The following SIDT1 variants were observed in gnomAD, a reference collection of about 807,000 sequenced individuals.
SIDT1 encodes the protein SID1 transmembrane family, member 1.
Under a neutral mutation model 107.5 loss-of-function variants are expected in SIDT1, and 101 were observed. The observed-to-expected ratio is 0.94, with a 90% CI of 0.80 to 1.11. SIDT1 has a LOEUF of 1.11. Ranked by LOEUF, SIDT1 falls within the 50% of genes least tolerant of loss-of-function variation. The probability of loss-of-function intolerance (pLI) is 0.00; values close to 1 mark genes in which losing one functional copy is unlikely to be tolerated. For missense variants in SIDT1, 1,076 were observed against 1,058.2 expected (o/e 1.02, Z -0.23); for synonymous variants, 395 against 398.2 (o/e 0.99, Z 0.10).
At chr3:113,544,930 C>G (rs571101634) in intron 1 of SIDT1, among the ~76,000 whole-genome samples, 1 of 151,954 alleles carries the variant, frequency 6.6e-6, no homozygotes, top group Non-Finnish European at 1.5e-5. Context: ...GCCTGACCAA[C>G]ATGGCAAAAC....
intron 4 of SIDT1, among the ~76,000 whole-genome samples, chr3:113,578,615 A>G (rs1324114437): frequency 6.6e-6 from 1 of 152,170 alleles, no homozygotes; most frequent in Non-Finnish European, 1.5e-5. Flanking sequence ...TGGGAGGCTG[A>G]GGCAGAAGTA....
At chr3:113,632,482 T>C (rs1214340743), downstream of SIDT1, among the ~76,000 whole-genome samples, 2 of 152,192 alleles carry the variant, frequency 1.3e-5, no homozygotes, top group Non-Finnish European at 2.9e-5. Context: ...ACAGGACATA[T>C]TTAGGCATGA....
chr3:113,592,258 A>G (rs1446723155), intron 9 of SIDT1, among the ~76,000 whole-genome samples: 1 of 152,170 alleles, frequency 6.6e-6, no homozygotes, highest in African/African-American at 2.4e-5. Context: ...GATTGGTGTG[A>G]AAGTAATTGC....
At chr3:113,555,879 T>C (rs1940806428) in intron 1 of SIDT1, among the ~76,000 whole-genome samples, 1 of 146,950 alleles carries the variant, frequency 6.8e-6, no homozygotes, top group Non-Finnish European at 1.5e-5. Flanking sequence ...CCCGGGGTGA[T>C]TGGGCTTATA....
At chr3:113,556,203 T>C (rs1334277482) in intron 1 of SIDT1, among the ~76,000 whole-genome samples, 1 of 152,236 alleles carries the variant, frequency 6.6e-6, no homozygotes, top group Non-Finnish European at 1.5e-5. Context: ...ATGCCATAAA[T>C]GTACAGAAGA....
At chr3:113,564,784 G>A (rs78215513) in intron 1 of SIDT1, among the ~76,000 whole-genome samples, 6,629 of 152,240 alleles carry the variant, frequency 0.044, 170 homozygotes, top group East Asian at 0.095. Flanking sequence ...CTCAGAGCTC[G>A]AGAAAGAGAT....
intron 14 of SIDT1, among the ~76,000 whole-genome samples, chr3:113,605,849 C>CA (rs975189338): frequency 4.0e-5 from 6 of 151,674 alleles, no homozygotes; most frequent in East Asian, 3.9e-4. Context: ...ACCAAAAATA[C>CA]AAAAAAATTA....
chr3:113,610,884 C>A, intron 17 of SIDT1, 124 bp from the exon 18 acceptor site: 1 of 1,187,216 alleles, frequency 8.4e-7, no homozygotes, highest in Non-Finnish European at 1.2e-6. Context: ...ACACAGCCTG[C>A]GGGTAGAAAA....
intron 3 of SIDT1, among the ~76,000 whole-genome samples, chr3:113,575,900 A>C (rs949112049): frequency 2.6e-5 from 4 of 152,190 alleles, no homozygotes; most frequent in Admixed American, 6.5e-5. Flanking sequence ...GATGCCCAGA[A>C]ATGCAGGGCA....
rs543859352 is a variant in SIDT1 at position 113,540,924 on chromosome 3, T to A, written c.222+7681T>A. Reference sequence around the variant, plus strand: ...ATACCTTCACCCTCTCTTTCTTCAATAAGATGACTAATTTAGACAAAATCT... The same window carrying A: ...ATACCTTCACCCTCTCTTTCTTCAAAAAGATGACTAATTTAGACAAAATCT... On this transcript the variant is annotated intron_variant, in intron 1 of 24. Transcript: ENST00000264852. Among the ~76,000 whole-genome samples the A allele has an allele frequency of 6.6e-5, 10 of 152,264 alleles. No homozygotes were observed. In the South Asian group the frequency reaches 1.7e-3, roughly 25 times the overall value.
At chr3:113,631,971 T>A (rs1019130426), downstream of SIDT1, among the ~76,000 whole-genome samples, 1 of 152,230 alleles carries the variant, frequency 6.6e-6, no homozygotes, top group East Asian at 1.9e-4. Context: ...TTGTTTAAAT[T>A]CCTTGGCTCT....
At chr3:113,606,321 A>AC (rs1282176344) in intron 14 of SIDT1, 1 of 152,140 alleles carries the variant, frequency 6.6e-6, no homozygotes, top group African/African-American at 2.4e-5. Context: ...TCCAGGCTGT[A>AC]CCCCGTCCCA....
chr3:113,626,200 GT>G lies in SIDT1; in HGVS notation c.2411del (p.Phe804SerfsTer7). 1 of 1,612,008 alleles carries G rather than the reference GT, an allele frequency of 6.2e-7. No individual in the cohort carries two copies. Among genetic ancestry groups the G allele is most frequent in the Non-Finnish European group, 8.5e-7 (1 of 1,178,190 alleles). On this transcript the variant is annotated frameshift_variant, in exon 24 of 25. Transcript: ENST00000264852. LOFTEE classifies it high-confidence loss of function. ...GGCACTTCCTCTCTGCTACTGCTCT[GT>G]TTTTCTCATTCTTGGTGAGTTCATA... Reference protein sequence around the residue: ...IWHFLSATALFFSFLVLLTLD... With the variant: ...IWHFLSATALXFSFLVLLTLD...
intron 1 of SIDT1, among the ~76,000 whole-genome samples, chr3:113,563,163 C>G (rs1305340858): frequency 1.3e-5 from 2 of 152,164 alleles, no homozygotes. Context: ...GGCAAAGAAA[C>G]TAGAGACGAA....
At chr3:113,603,771 A>G (rs77823673) in intron 12 of SIDT1, among the ~76,000 whole-genome samples, 189 bp from the exon 13 acceptor site, 9,195 of 152,266 alleles carry the variant, frequency 0.06, 399 homozygotes, top group Non-Finnish European at 0.09. Flanking sequence ...ATTAAAAGAA[A>G]AGTCTTAAAT....
chr3:113,554,752 T>C lies in SIDT1; in HGVS notation c.223-11668T>C, dbSNP rs117244325. The stretch of plus-strand genomic sequence containing the variant: ...CCATTCCATGAGTATTAGCTAGAGG[T>C]AGAACCCCTTTCGCGACAGAAGATC... On this transcript the variant is annotated intron_variant, in intron 1 of 24. Transcript: ENST00000264852. Among the ~76,000 whole-genome samples the C allele has an allele frequency of 1.6e-3, 238 of 152,212 alleles. 4 individuals carry two copies. The East Asian group carries it at 0.038, about 24-fold the overall frequency.
intron 1 of SIDT1, among the ~76,000 whole-genome samples, chr3:113,535,108 C>CA (rs1553775173): frequency 1.3e-5 from 2 of 152,062 alleles, no homozygotes; most frequent in Admixed American, 6.5e-5. Flanking sequence ...CCTCTCTCTA[C>CA]AAAAAATTAA....
In SIDT1 at chr3:113,584,751, A is replaced by G. The variant is rs749469039; in HGVS notation, c.889A>G (p.Ile297Val). The change falls in exon 8 of 25, where the codon ATT (isoleucine) becomes GTT (valine). Residue 297 changes from isoleucine (I) to valine (V), a missense_variant. Coordinates refer to ENST00000264852, the MANE Select transcript of SIDT1 (RefSeq NM_017699.3). ...GCGAAAAAAGAACCTTGAAGTGACC[A>G]TTGTCCCTTCCATTAAAGGTCAGTG... ...LQRKKNLEVTIVPSIKESVYV... is the reference protein window; with the variant it reads ...LQRKKNLEVTVVPSIKESVYV... 3 of 1,595,442 alleles carry G rather than the reference A, an allele frequency of 1.9e-6. No individual in the cohort carries two copies. The highest frequency in any genetic ancestry group is 2.6e-6 in the Non-Finnish European group (3 of 1,174,884).
At chr3:113,571,199 A>T (rs954709966) in intron 3 of SIDT1, among the ~76,000 whole-genome samples, 3 of 152,200 alleles carry the variant, frequency 2.0e-5, no homozygotes, top group Non-Finnish European at 4.4e-5. Context: ...AGGCAGGAGG[A>T]TGACTTAAGG....
Sources: gnomAD v4.1 joint callset for allele counts (sites outside exome capture counted in the v4.1 genomes callset) on GRCh38, gnomAD v4.1.1 for gene constraint, MANE v1.5 for transcripts, NCBI Gene and HGNC (gene_info 2026-07-23, HGNC 2026-07-21) for gene names.